Variants in ZNF124 observed in about 807,000 individuals in gnomAD.
ZNF124 encodes the protein zinc finger protein HZF-16.
ZNF124 carries 25 observed loss-of-function variants against 26.6 expected under a neutral mutation model. That is an observed-to-expected ratio of 0.94 (90% confidence interval 0.68 to 1.31). ZNF124 has a LOEUF of 1.31. ZNF124 is among the 40% of genes most tolerant of loss of function. The probability of loss-of-function intolerance (pLI) is 0.00; values close to 1 mark genes in which losing one functional copy is unlikely to be tolerated. For synonymous variants in ZNF124, 129 were observed against 133.3 expected, an observed-to-expected ratio of 0.97 and a Z score of 0.22; for missense variants, 444 against 422.2, an observed-to-expected ratio of 1.05 and a Z score of -0.45.
chr1:247,157,950 T>TAAA (rs59505413), intron 3 of ZNF124, among the ~76,000 whole-genome samples: 1 of 141,192 alleles, frequency 7.1e-6, no homozygotes, highest in African/African-American at 2.6e-5. Context: ...ATCCGATTGT[T>TAAA]AAAAAAAAAA....
intron 3 of ZNF124, among the ~76,000 whole-genome samples, chr1:247,130,610 T>C (rs975675510): frequency 6.6e-6 from 1 of 152,222 alleles, no homozygotes; most frequent in African/African-American, 2.4e-5. Flanking sequence ...TGAAATAATA[T>C]GTTATCATGT....
intron 3 of ZNF124, among the ~76,000 whole-genome samples, chr1:247,139,330 A>T (rs1453552652): frequency 6.6e-6 from 1 of 152,086 alleles, no homozygotes; most frequent in African/African-American, 2.4e-5. Context: ...TAGGATTGTA[A>T]CCCCTGCTTT....
At position 247,168,363 on chromosome 1, in the gene ZNF124, T is replaced by C. The variant is rs955612241; in HGVS notation, c.30+3485A>G. Among the ~76,000 whole-genome samples, 1 of 152,052 alleles carries C rather than the reference T, an allele frequency of 6.6e-6. No individual in the cohort carries two copies. Among genetic ancestry groups the C allele is most frequent in the African/African-American group, 2.4e-5 (1 of 41,388 alleles). Reference sequence around the variant, plus strand: ...GGCCAACATGGCAAAACCCTGTCTCTACTAAAAATACAAAAAAAATTTAGC... The same window carrying C: ...GGCCAACATGGCAAAACCCTGTCTCCACTAAAAATACAAAAAAAATTTAGC... On this transcript the variant is annotated intron_variant, in intron 1 of 3. Transcript: ENST00000543802. The surrounding 1 kb of genome is among the most constrained non-coding windows in gnomAD (Gnocchi z 4.0).
chr1:247,125,769 T>C (rs1672203340), intron 3 of ZNF124, among the ~76,000 whole-genome samples: 1 of 152,100 alleles, frequency 6.6e-6, no homozygotes, highest in African/African-American at 2.4e-5. Context: ...TCTCATTGAG[T>C]TTTTGGTAAC....
chr1:247,144,212 A>G (rs1423148588), intron 3 of ZNF124, among the ~76,000 whole-genome samples: 1 of 152,142 alleles, frequency 6.6e-6, no homozygotes, highest in African/African-American at 2.4e-5. Context: ...TCGGGTAGCT[A>G]TCCCTCCCCA....
chr1:247,130,160 C>T (rs1292786700), intron 3 of ZNF124, among the ~76,000 whole-genome samples: 2 of 152,122 alleles, frequency 1.3e-5, no homozygotes, highest in African/African-American at 4.8e-5. Flanking sequence ...TTTATCAGTA[C>T]AGCTTGAGAG....
rs1673907716 is a variant in ZNF124, at chr1:247,168,515, C to CA, written c.30+3332dup. Among the ~76,000 whole-genome samples the CA allele has an allele frequency of 6.6e-6, 1 of 152,176 alleles. No homozygotes were observed. Among genetic ancestry groups the CA allele is most frequent in the South Asian group, 2.1e-4 (1 of 4,832 alleles). ...TGCCACTGCACTACAGCCTGGGTAA[C>CA]AGAGTGAGACTCTGTCTCAATTAAA... On this transcript the variant is annotated intron_variant, in intron 1 of 3. Transcript: ENST00000543802. This position sits in a 1 kb window ranked among gnomAD's most constrained non-coding sequence, Gnocchi z 4.0.
At chr1:247,147,458 C>T (rs944465514) in intron 3 of ZNF124, among the ~76,000 whole-genome samples, 1 of 151,454 alleles carries the variant, frequency 6.6e-6, no homozygotes, top group Admixed American at 6.6e-5. Context: ...AACTCCTGAC[C>T]TCGTGATCCA....
chr1:247,168,750 C>G lies in ZNF124; in HGVS notation c.30+3098G>C, dbSNP rs1673922346. Reference sequence around the variant, plus strand: ...AGGCATTATTCTAAGTGAAGTAACTCAGGAATGGAAAACCAAATATTCTAT... The same window carrying G: ...AGGCATTATTCTAAGTGAAGTAACTGAGGAATGGAAAACCAAATATTCTAT... On this transcript the variant is annotated intron_variant, in intron 1 of 3. Transcript: ENST00000543802. This position sits in a 1 kb window ranked among gnomAD's most constrained non-coding sequence, Gnocchi z 4.0. 6.6e-6 allele frequency among the ~76,000 whole-genome samples: 1 copy of G among 151,996 alleles called. No homozygotes were observed. Among genetic ancestry groups the G allele is most frequent in the Non-Finnish European group, 1.5e-5 (1 of 68,008 alleles).
intron 3 of ZNF124, among the ~76,000 whole-genome samples, chr1:247,127,896 C>G (rs1252292849): frequency 6.6e-6 from 1 of 151,890 alleles, no homozygotes; most frequent in Non-Finnish European, 1.5e-5. Flanking sequence ...TTGTCTGCAG[C>G]TTGTCCTGCT....
chr1:247,164,360 C>G (rs190635567), intron 1 of ZNF124, among the ~76,000 whole-genome samples: 3 of 152,220 alleles, frequency 2.0e-5, no homozygotes, highest in African/African-American at 7.2e-5. Flanking sequence ...CCCCCAAAAC[C>G]CCACAGTCTC....
At chr1:247,164,173 C>T in intron 1 of ZNF124, among the ~76,000 whole-genome samples, 1 of 152,144 alleles carries the variant, frequency 6.6e-6, no homozygotes, top group East Asian at 1.9e-4. Context: ...CTATGAAAAA[C>T]CCACAGCCAA....
chr1:247,147,418 G>A (rs1252702501), intron 3 of ZNF124, among the ~76,000 whole-genome samples: 1 of 151,632 alleles, frequency 6.6e-6, no homozygotes, highest in Non-Finnish European at 1.5e-5. Flanking sequence ...TTAGAGATGG[G>A]GTTTCACCAT....
intron 3 of ZNF124, among the ~76,000 whole-genome samples, chr1:247,144,200 TTTCGGG>T (rs555500312): frequency 3.9e-4 from 59 of 152,308 alleles, no homozygotes; most frequent in African/African-American, 1.4e-3. Context: ...ACTCTGCGGG[TTTCGGG>T]TAGCTATCCC....
At chr1:247,138,876 C>A in intron 3 of ZNF124, 1 of 395,550 alleles carries the variant, frequency 2.5e-6, no homozygotes, top group Non-Finnish European at 4.5e-6. Flanking sequence ...ACCTGCCTTC[C>A]GTTCTACTCA....
chr1:247,139,123 C>G (rs1433940415), intron 3 of ZNF124, among the ~76,000 whole-genome samples: 2 of 152,204 alleles, frequency 1.3e-5, no homozygotes, highest in African/African-American at 4.8e-5. Context: ...ATGTGTAAAA[C>G]CAAGCTGTGC....
chr1:247,143,057 T>C lies in ZNF124; in HGVS notation c.218+15949A>G, dbSNP rs185539694. Among the ~76,000 whole-genome samples the C allele has an allele frequency of 3.0e-3, 453 of 152,138 alleles. 2 individuals carry two copies. The highest frequency in any genetic ancestry group is 0.01 in the African/African-American group (431 of 41,564). ...GCATTTTATCCATAAAGAATCTGCA[T>C]GTGAGAGAGAGAGCTATTTTCTCCT... On this transcript the variant is annotated intron_variant, in intron 3 of 3. Transcript: ENST00000472531.
At chr1:247,166,022 T>TA (rs1222297130) in intron 1 of ZNF124, among the ~76,000 whole-genome samples, 9 of 151,772 alleles carry the variant, frequency 5.9e-5, no homozygotes, top group Non-Finnish European at 1.2e-4. Context: ...TAAGAAAGAA[T>TA]AAAAAAATTA....
intron 3 of ZNF124, among the ~76,000 whole-genome samples, chr1:247,132,275 CCCAT>C: frequency 6.6e-6 from 1 of 152,158 alleles, no homozygotes; most frequent in Middle Eastern, 3.4e-3. Flanking sequence ...TCAGAAAAAC[CCCAT>C]CCAAGAGCCA....
Sources: gnomAD v4.1 joint callset for allele counts (sites outside exome capture counted in the v4.1 genomes callset) on GRCh38, gnomAD v4.1.1 for gene constraint, Gnocchi (gnomAD v3.1) non-coding constraint, MANE v1.5 for transcripts, NCBI Gene and HGNC (gene_info 2026-07-23, HGNC 2026-07-21) for gene names.